Variants in HERC4 observed in about 807,000 individuals in gnomAD.
The protein encoded by HERC4 is probable E3 ubiquitin-protein ligase HERC4.
Under a neutral mutation model 124.3 loss-of-function variants are expected in HERC4, and 28 were observed. The ratio of observed to expected loss-of-function variants is 0.23; its 90% CI spans 0.17 to 0.31. HERC4 has a LOEUF of 0.31. HERC4 is among the 10% of genes least tolerant of loss of function. The probability of loss-of-function intolerance (pLI) is 1.00; values close to 1 mark genes in which losing one functional copy is unlikely to be tolerated. For synonymous variants in HERC4, 407 were observed against 421.5 expected, an observed-to-expected ratio of 0.97 and a Z score of 0.42; for missense variants, 713 against 1,229.3, an observed-to-expected ratio of 0.58 and a Z score of 6.28.
chr10:67,977,782 G>T (rs2035684329), intron 15 of HERC4, among the ~76,000 whole-genome samples: 1 of 152,064 alleles, frequency 6.6e-6, no homozygotes, highest in South Asian at 2.1e-4. Flanking sequence ...AGGAGTTCAA[G>T]ACCAGCCTGG....
intron 22 of HERC4, among the ~76,000 whole-genome samples, chr10:67,935,876 T>TG (rs1429309117): frequency 6.6e-6 from 1 of 152,204 alleles, no homozygotes; most frequent in Non-Finnish European, 1.5e-5. Context: ...GTGACTCCTC[T>TG]TTTCCATCTC....
At chr10:67,952,671 G>GGT (rs1458419035) in intron 19 of HERC4, among the ~76,000 whole-genome samples, 1 of 151,954 alleles carries the variant, frequency 6.6e-6, no homozygotes, top group Non-Finnish European at 1.5e-5. Context: ...GGCCAAGGCA[G>GGT]GTGGATCACA....
chr10:67,977,321 C>G (rs577930833), intron 15 of HERC4, among the ~76,000 whole-genome samples: 17 of 152,226 alleles, frequency 1.1e-4, no homozygotes, highest in African/African-American at 3.9e-4. Context: ...AGAAGGGAAC[C>G]CACTGCCTCG....
At chr10:68,022,930 C>T (rs2133241777) in intron 8 of HERC4, among the ~76,000 whole-genome samples, 1 of 151,862 alleles carries the variant, frequency 6.6e-6, no homozygotes, top group Non-Finnish European at 1.5e-5. Context: ...AAAATATGCT[C>T]AGCTCACTAA....
chr10:68,032,771 A>T lies in HERC4; in HGVS notation c.777+7T>A. 7.0e-7 allele frequency: 1 copy of T among 1,429,752 alleles called. No individual in the cohort carries two copies. The highest frequency in any genetic ancestry group is 1.7e-5 in the Admixed American group (1 of 59,664). 88.6% of individuals were successfully genotyped at this position (1,429,752 alleles called of 1,614,324 possible). A position where few individuals can be genotyped will look rare whatever the true frequency, so the allele number is the denominator to read the frequency against. On this transcript the variant is annotated splice_region_variant and intron_variant, in intron 7 of 24. Coordinates refer to ENST00000373700, the MANE Select transcript of HERC4 (RefSeq NM_015601.4). ...GTAATAATAAAGAAGTTTTAGAAGTACAATACCTTGGTTAGAGCAGCAGTA... is the reference window on the plus strand; with the variant it reads ...GTAATAATAAAGAAGTTTTAGAAGTTCAATACCTTGGTTAGAGCAGCAGTA...
intron 23 of HERC4, among the ~76,000 whole-genome samples, chr10:67,930,282 GTATCT>G: frequency 6.6e-6 from 1 of 152,000 alleles, no homozygotes; most frequent in Non-Finnish European, 1.5e-5. Context: ...CATAAAGTTT[GTATCT>G]TAACCATTTT....
intron 3 of HERC4, among the ~76,000 whole-genome samples, chr10:68,048,965 C>T (rs186545960): frequency 1.3e-5 from 2 of 152,190 alleles, no homozygotes; most frequent in East Asian, 1.9e-4. Context: ...AAAAACAAAA[C>T]AGTACAACCT....
At chr10:67,924,319 T>C (rs1174408418) in intron 24 of HERC4, among the ~76,000 whole-genome samples, 2 of 152,216 alleles carry the variant, frequency 1.3e-5, no homozygotes, top group Non-Finnish European at 2.9e-5. Context: ...GATGATGATA[T>C]GTTCTGAGAA....
chr10:68,053,527 C>T (rs1487958291), intron 3 of HERC4, among the ~76,000 whole-genome samples: 2 of 152,086 alleles, frequency 1.3e-5, no homozygotes, highest in African/African-American at 4.8e-5. Flanking sequence ...TAGTCTTGAA[C>T]TCCTGGACTC....
intron 3 of HERC4, among the ~76,000 whole-genome samples, chr10:68,060,039 C>A (rs2040922616): frequency 1.4e-5 from 2 of 146,998 alleles, no homozygotes; most frequent in Non-Finnish European, 3.0e-5. Flanking sequence ...GCTTTAATTT[C>A]AACTTTGGCA....
intron 20 of HERC4, among the ~76,000 whole-genome samples, chr10:67,940,349 C>T (rs1007849505): frequency 6.6e-6 from 1 of 151,894 alleles, no homozygotes; most frequent in African/African-American, 2.4e-5. Context: ...TAACCACTCT[C>T]AGAAAAAAAA....
intron 1 of HERC4, among the ~76,000 whole-genome samples, chr10:68,074,387 T>C (rs2041711386): frequency 6.6e-6 from 1 of 152,146 alleles, no homozygotes; most frequent in Non-Finnish European, 1.5e-5. Flanking sequence ...AGAAGTTTGA[T>C]TTCATTCTTT....
In HERC4 at chr10:68,055,020, T is replaced by C. The variant is rs2040484261; in HGVS notation, c.227-10457A>G. Among the ~76,000 whole-genome samples, 2 of 152,166 alleles carry C rather than the reference T, an allele frequency of 1.3e-5. 1 individual carries two copies. Among genetic ancestry groups the C allele is most frequent in the South Asian group, 4.1e-4 (2 of 4,836 alleles). On this transcript the variant is annotated intron_variant, in intron 3 of 24. Coordinates refer to ENST00000373700, the MANE Select transcript of HERC4 (RefSeq NM_015601.4). The stretch of plus-strand genomic sequence containing the variant: ...TCACTGCAACCTCCAGCTCCTGGGC[T>C]CAAGCGATTCTCCTGACTCAGGCTC...
At chr10:68,027,800 G>A (rs1445847793) in intron 7 of HERC4, among the ~76,000 whole-genome samples, 1 of 151,810 alleles carries the variant, frequency 6.6e-6, no homozygotes, top group Non-Finnish European at 1.5e-5. Flanking sequence ...GTGTGTGCCT[G>A]TAATCCCAGC....
chr10:67,936,296 A>C, intron 21 of HERC4, 61 bp from the exon 22 acceptor site: 1 of 932,356 alleles, frequency 1.1e-6, no homozygotes, highest in South Asian at 1.6e-5. Flanking sequence ...ATAATCTATT[A>C]TTATATTCTA....
intron 7 of HERC4, among the ~76,000 whole-genome samples, chr10:68,031,648 G>A (rs893744983): frequency 1.3e-5 from 2 of 152,112 alleles, no homozygotes; most frequent in Non-Finnish European, 2.9e-5. Context: ...ATTTTTAAAA[G>A]TGCCTTGAGT....
At chr10:67,946,598 A>G (rs1384288475) in intron 19 of HERC4, among the ~76,000 whole-genome samples, 1 of 152,168 alleles carries the variant, frequency 6.6e-6, no homozygotes, top group Non-Finnish European at 1.5e-5. Flanking sequence ...GGGTCAATTA[A>G]GCAAGAAGAT....
intron 24 of HERC4, among the ~76,000 whole-genome samples, chr10:67,923,917 A>G (rs1286523874): frequency 2.6e-5 from 4 of 152,196 alleles, no homozygotes; most frequent in African/African-American, 9.6e-5. Context: ...TTTAAAAATA[A>G]GTCAAATTTC....
At chr10:67,972,529 GAAAAAAAAAAAAAAA>G (rs58031306) in intron 15 of HERC4, among the ~76,000 whole-genome samples, 1 of 58,396 alleles carries the variant, frequency 1.7e-5, no homozygotes, top group Non-Finnish European at 3.1e-5. Flanking sequence ...CAAAAAAGAG[GAAAAAAAAAAAAAAA>G]AAAAAAAAAA....
Sources: allele counts gnomAD v4.1 joint callset (sites outside exome capture counted in the v4.1 genomes callset), GRCh38; gene constraint gnomAD v4.1.1; transcripts MANE v1.5; gene names NCBI Gene and HGNC (gene_info 2026-07-23, HGNC 2026-07-21).